GRM5: variants seen among roughly 807,000 people sequenced by gnomAD.
GRM5 encodes the protein glutamate metabotropic receptor 5, also known as metabotropic glutamate receptor 5.
A neutral mutation model predicts 83.1 loss-of-function variants in GRM5; 19 were observed. The observed-to-expected ratio is 0.23, with a 90% confidence interval of 0.16 to 0.34. The LOEUF is 0.34. GRM5 is among the 10% of genes least tolerant of loss of function. GRM5 has a pLI of 1.00. For synonymous variants in GRM5, 675 were observed against 633.6 expected, an observed-to-expected ratio of 1.07 and a Z score of -0.98; for missense variants, 1,160 against 1,588.3, an observed-to-expected ratio of 0.73 and a Z score of 4.58.
chr11:88,902,908 G>T (rs1386632300), intron 2 of GRM5, among the ~76,000 whole-genome samples: 2 of 128,958 alleles, frequency 1.6e-5, no homozygotes, highest in African/African-American at 6.3e-5. Flanking sequence ...CCGAGATCGT[G>T]CCACTGCACT....
chr11:88,574,137 G>A (rs565333986), intron 7 of GRM5, among the ~76,000 whole-genome samples: 1 of 152,268 alleles, frequency 6.6e-6, no homozygotes, highest in Admixed American at 6.5e-5. Context: ...CCTGATGATA[G>A]GGAGTTTGTC....
intron 3 of GRM5, among the ~76,000 whole-genome samples, chr11:88,786,034 T>C (rs889001531): frequency 6.6e-6 from 1 of 152,142 alleles, no homozygotes; most frequent in Non-Finnish European, 1.5e-5. Flanking sequence ...ACATTTTCTG[T>C]TCTCTGCTTT....
At chr11:88,853,093 G>A (rs1209971005) in intron 2 of GRM5, among the ~76,000 whole-genome samples, 1 of 152,076 alleles carries the variant, frequency 6.6e-6, no homozygotes, top group Non-Finnish European at 1.5e-5. Flanking sequence ...ATAGAAGTAA[G>A]ACAGAATCCA....
intron 3 of GRM5, among the ~76,000 whole-genome samples, chr11:88,653,666 G>T (rs1591414578): frequency 6.6e-6 from 1 of 151,914 alleles, no homozygotes; most frequent in Non-Finnish European, 1.5e-5. Flanking sequence ...GGAGATTCTG[G>T]CACAATTTTA....
chr11:88,506,012 A>C lies in GRM5; in HGVS notation c.*2580T>G, dbSNP rs1941174837. On this transcript the variant is annotated 3_prime_UTR_variant, in exon 10 of 10. Coordinates refer to ENST00000305447, the MANE Select transcript of GRM5 (RefSeq NM_001143831.3). ...TAAAAGATCTCAAGAATGCATTACT[A>C]ATAATCTTATGTCCAACATACAATG... 6.6e-6 allele frequency: 1 copy of C among 152,238 alleles called. No homozygotes were observed. The highest frequency in any genetic ancestry group is 2.4e-5 in the African/African-American group (1 of 41,458). The allele number at this position is 152,238 out of a possible 1,614,324, so 9.4% of individuals were successfully genotyped here. A position where few individuals can be genotyped will look rare whatever the true frequency, so the allele number is the denominator to read the frequency against.
chr11:89,044,586 A>G (rs1941604994), intron 2 of GRM5, among the ~76,000 whole-genome samples: 1 of 152,170 alleles, frequency 6.6e-6, no homozygotes, highest in Non-Finnish European at 1.5e-5. Flanking sequence ...TGTTTTTTGA[A>G]AATAGGACCA....
intron 2 of GRM5, among the ~76,000 whole-genome samples, chr11:89,031,992 C>T (rs1241269303): frequency 6.6e-6 from 1 of 151,850 alleles, no homozygotes. Flanking sequence ...TATTGACTGC[C>T]TATTATATAC....
intron 2 of GRM5, among the ~76,000 whole-genome samples, chr11:88,921,073 C>T (rs1293598420): frequency 3.6e-5 from 1 of 27,614 alleles, no homozygotes; most frequent in African/African-American, 7.5e-5. Flanking sequence ...TAAAAGACCA[C>T]TGCGTTTTTT....
At chr11:88,776,158 C>T (rs961343510) in intron 3 of GRM5, among the ~76,000 whole-genome samples, 30 of 152,116 alleles carry the variant, frequency 2.0e-4, no homozygotes, top group Non-Finnish European at 3.5e-4. Context: ...GGATAGTTAG[C>T]TCTTCTTGTT....
chr11:88,886,614 A>G (rs1174032090), intron 2 of GRM5, among the ~76,000 whole-genome samples: 1 of 152,120 alleles, frequency 6.6e-6, no homozygotes, highest in Non-Finnish European at 1.5e-5. Flanking sequence ...GGCTGGAAGA[A>G]GTCCTGGTGT....
At chr11:88,790,821 T>C (rs565692914) in intron 3 of GRM5, among the ~76,000 whole-genome samples, 126 of 152,254 alleles carry the variant, frequency 8.3e-4, no homozygotes, top group African/African-American at 2.8e-3. Context: ...CAGTAGAAGA[T>C]AAGTTTAGAA....
chr11:88,899,808 A>C (rs1333500597), intron 2 of GRM5, among the ~76,000 whole-genome samples: 1 of 152,046 alleles, frequency 6.6e-6, no homozygotes, highest in Non-Finnish European at 1.5e-5. Context: ...TCTTTGCATA[A>C]ATAAGGCAGT....
At chr11:88,518,840 C>A (rs943699177) in intron 9 of GRM5, among the ~76,000 whole-genome samples, 2 of 151,158 alleles carry the variant, frequency 1.3e-5, no homozygotes, top group Admixed American at 1.3e-4. Context: ...TCCCCAAACA[C>A]CCCATGGTCC....
chr11:88,620,023 T>C (rs945887079), intron 4 of GRM5, among the ~76,000 whole-genome samples: 2 of 152,174 alleles, frequency 1.3e-5, no homozygotes, highest in Non-Finnish European at 2.9e-5. Context: ...CAGTGGATGA[T>C]ACCATATTTT....
At chr11:88,643,378 C>T (rs1253263310) in intron 4 of GRM5, among the ~76,000 whole-genome samples, 1 of 152,164 alleles carries the variant, frequency 6.6e-6, no homozygotes, top group African/African-American at 2.4e-5. Context: ...CTAATCACCT[C>T]TCACCAGACT....
At chr11:88,565,200 C>T (rs1045602222) in intron 8 of GRM5, among the ~76,000 whole-genome samples, 9 of 152,192 alleles carry the variant, frequency 5.9e-5, no homozygotes, top group African/African-American at 2.2e-4. Context: ...AGTGATGCTG[C>T]CAGTATTTAA....
chr11:88,802,487 C>CT (rs1590868572), intron 3 of GRM5, among the ~76,000 whole-genome samples: 2 of 151,736 alleles, frequency 1.3e-5, no homozygotes, highest in East Asian at 3.9e-4. Context: ...ATTCAACAAC[C>CT]TTCATGCTAA....
intron 3 of GRM5, among the ~76,000 whole-genome samples, chr11:88,815,935 CG>C (rs1421099785): frequency 1.3e-5 from 2 of 150,642 alleles, no homozygotes; most frequent in African/African-American, 5.0e-5. Flanking sequence ...AAACAGAGGC[CG>C]GGCGCGGTGG....
intron 7 of GRM5, among the ~76,000 whole-genome samples, chr11:88,583,902 A>G (rs560612827): frequency 1.2e-4 from 19 of 152,222 alleles, no homozygotes; most frequent in Middle Eastern, 3.4e-3. Context: ...ACCTTGTTCT[A>G]TTGATTTTAA....
Sources: allele counts gnomAD v4.1 joint callset (sites outside exome capture counted in the v4.1 genomes callset), GRCh38; gene constraint gnomAD v4.1.1; transcripts MANE v1.5; gene names NCBI Gene and HGNC (gene_info 2026-07-23, HGNC 2026-07-21).